Variants in ENSA observed in about 807,000 individuals in gnomAD.
ENSA encodes alpha-endosulfine.
A neutral mutation model predicts 16.8 loss-of-function variants in ENSA; 7 were observed. That is an observed-to-expected ratio of 0.42 (90% CI 0.24 to 0.78). The LOEUF (loss-of-function observed/expected upper bound fraction) is 0.78. Among genes scored for constraint, ENSA ranks in the 30% least tolerant of loss-of-function variants. The probability of loss-of-function intolerance (pLI) is 0.29; values close to 1 mark genes in which losing one functional copy is unlikely to be tolerated. For synonymous variants in ENSA, 58 were observed against 53.4 expected (o/e 1.09, Z -0.37); for missense variants, 87 against 142.3 (o/e 0.61, Z 1.98).
chr1:150,624,853 G>C, intron 3 of ENSA: 1 of 975,032 alleles, frequency 1.0e-6, no homozygotes, highest in Non-Finnish European at 1.2e-6. Flanking sequence ...TGAGGAAATA[G>C]AAATCCAGAG....
rs1469152714 is a variant in ENSA at position 150,625,723 on chromosome 1, T to C, written c.269A>G (p.Asn90Ser). 2.5e-6 allele frequency: 4 copies of C among 1,613,058 alleles called. No individual in the cohort carries two copies. Among genetic ancestry groups the C allele is most frequent in the Non-Finnish European group, 3.4e-6 (4 of 1,179,566 alleles). Residue 90 changes from asparagine (N) to serine (S), a missense_variant, in exon 3 of 4, where the codon AAC becomes AGC. Transcript: ENST00000369014. ...KQLPSAGPDK[N>S]LVTGDHIPTP... ...GGGGATGTGATCACCAGTCACCAGG[T>C]TCTTGTCTGGTCCTGCACTTGGCAG...
intron 3 of ENSA, chr1:150,623,887 T>C (rs1205771154): frequency 1.0e-6 from 1 of 985,496 alleles, no homozygotes; most frequent in Non-Finnish European, 1.2e-6. Context: ...CCAATTTGAA[T>C]GACAGCCTGA....
At chr1:150,628,272 T>C (rs1328936649) in intron 1 of ENSA, among the ~76,000 whole-genome samples, 1 of 152,186 alleles carries the variant, frequency 6.6e-6, no homozygotes, top group East Asian at 1.9e-4. Context: ...CGGCTAGCTA[T>C]GTGGCCTTCT....
chr1:150,627,212 A>C, intron 2 of ENSA: 2 of 1,504,700 alleles, frequency 1.3e-6, no homozygotes, highest in Non-Finnish European at 1.8e-6. Flanking sequence ...AGTTTCTAAC[A>C]TCTTTCCCTC....
At chr1:150,627,311 C>T (rs772364871) in intron 2 of ENSA, 156 bp downstream of exon 2, 5 of 1,595,648 alleles carry the variant, frequency 3.1e-6, no homozygotes, top group Non-Finnish European at 4.3e-6. Flanking sequence ...CAGGGATTTA[C>T]ATTAATTTGA....
In ENSA at chr1:150,626,702, G is replaced by A. The variant is rs989415141; in HGVS notation, c.183+765C>T. Reference sequence around the variant, plus strand: ...CTCCCGAGTAGCTGGGACTACAGGCGCCCGCCACCACACCCGGCTAAGTGT... The same window carrying A: ...CTCCCGAGTAGCTGGGACTACAGGCACCCGCCACCACACCCGGCTAAGTGT... On this transcript the variant is annotated intron_variant, in intron 2 of 3. Coordinates refer to ENST00000369014, the MANE Select transcript of ENSA (RefSeq NM_004436.4). Among the ~76,000 whole-genome samples the A allele has an allele frequency of 5.3e-5, 8 of 152,244 alleles. No individual in the cohort carries two copies. The East Asian group carries it at 7.7e-4, about 15-fold the overall frequency.
chr1:150,628,690 G>A (rs1463659539), intron 1 of ENSA, among the ~76,000 whole-genome samples: 1 of 152,128 alleles, frequency 6.6e-6, no homozygotes, highest in Non-Finnish European at 1.5e-5. Flanking sequence ...ACCCCAATAA[G>A]GGGTTTATTT....
At chr1:150,624,519 A>T in intron 3 of ENSA, 5 of 985,910 alleles carry the variant, frequency 5.1e-6, no homozygotes, top group Non-Finnish European at 4.8e-6. Context: ...GCCCAGAGGT[A>T]GGCTGGGAAA....
At chr1:150,626,656 A>C in intron 2 of ENSA, 1 of 598,100 alleles carries the variant, frequency 1.7e-6, no homozygotes, top group Non-Finnish European at 2.9e-6. Context: ...TCCCGGGTTC[A>C]CGCCATTCTC....
At chr1:150,625,424 T>C in intron 3 of ENSA, 1 of 1,239,668 alleles carries the variant, frequency 8.1e-7, no homozygotes, top group Admixed American at 4.2e-5. Context: ...GGGCCCTACC[T>C]GGACTACAGG....
chr1:150,621,447 T>C (rs1648992068), downstream of ENSA: 1 of 152,412 alleles, frequency 6.6e-6, no homozygotes, highest in East Asian at 1.9e-4. Flanking sequence ...CTAATTTTTG[T>C]ATTTTTAGTA....
At chr1:150,627,126 C>A in intron 2 of ENSA, 1 of 1,426,032 alleles carries the variant, frequency 7.0e-7, no homozygotes. Flanking sequence ...AAATTTATCT[C>A]TAATGCTTAA....
At chr1:150,626,768 TCTC>T (rs1387690685) in intron 2 of ENSA, among the ~76,000 whole-genome samples, 5 of 152,134 alleles carry the variant, frequency 3.3e-5, no homozygotes. Flanking sequence ...ATGGTCTCGA[TCTC>T]CTGACCTCGT....
intron 3 of ENSA, 145 bp downstream of exon 3, chr1:150,625,497 T>G (rs1320898925): frequency 2.2e-6 from 3 of 1,374,660 alleles, no homozygotes; most frequent in South Asian, 3.7e-5. Flanking sequence ...CAACCTACAT[T>G]ACCTTCTCAG....
At chr1:150,627,161 A>G in intron 2 of ENSA, 2 of 1,480,196 alleles carry the variant, frequency 1.4e-6, no homozygotes, top group Non-Finnish European at 1.8e-6. Flanking sequence ...TAAAACCTCC[A>G]ACATTCAAAC....
intron 2 of ENSA, chr1:150,627,000 G>A (rs964815827): frequency 1.9e-6 from 2 of 1,063,982 alleles, no homozygotes; most frequent in South Asian, 3.0e-5. Context: ...TGCTGCAGGA[G>A]TATAATTAAT....
rs1170335870 is a variant in ENSA at position 150,622,707 on chromosome 1, C to T, written c.*137G>A. ...GTGCTGGGACACCAACAGGAAAGGG[C>T]TTCTGCCTCTCCAGCCCACACCCGA... On this transcript the variant is annotated 3_prime_UTR_variant, in exon 4 of 4. Transcript: ENST00000369014. The T allele has an allele frequency of 2.0e-5, 17 of 843,758 alleles. No individual in the cohort carries two copies. The Admixed American group carries it at 5.5e-4, about 27-fold the overall frequency. The allele number at this position is 843,758 out of a possible 1,614,324, so 52.3% of individuals were successfully genotyped here.
chr1:150,628,201 C>A (rs909984766), intron 1 of ENSA, among the ~76,000 whole-genome samples: 6 of 152,142 alleles, frequency 3.9e-5, no homozygotes, highest in African/African-American at 1.4e-4. Context: ...AATTGCTACA[C>A]GACAAAGCAG....
At chr1:150,621,621 C>T (rs1230953880), downstream of ENSA, 1 of 152,224 alleles carries the variant, frequency 6.6e-6, no homozygotes, top group Non-Finnish European at 1.5e-5. Context: ...GTTACATTCA[C>T]AGGCAGCTTT....
Sources: allele counts gnomAD v4.1 joint callset (sites outside exome capture counted in the v4.1 genomes callset), GRCh38; gene constraint gnomAD v4.1.1; transcripts MANE v1.5; gene names NCBI Gene and HGNC (gene_info 2026-07-23, HGNC 2026-07-21).